ASXL1: variants seen among roughly 807,000 people sequenced by gnomAD.
ASXL1 encodes polycomb group protein ASXL1.
ASXL1 carries 65 observed loss-of-function variants against 89.1 expected under a neutral mutation model. That is an observed-to-expected ratio of 0.73 (90% CI 0.60 to 0.90). The LOEUF (loss-of-function observed/expected upper bound fraction) is 0.90. Ranked by LOEUF, ASXL1 falls within the 40% of genes least tolerant of loss-of-function variation. The pLI, the probability that ASXL1 is intolerant of heterozygous loss-of-function variation, is 0.00. For missense variants in ASXL1, 1,786 were observed against 1,942.9 expected (o/e 0.92, Z 1.52); for synonymous variants, 739 against 746.9 (o/e 0.99, Z 0.17).
At chr20:32,408,054 C>T (rs2048984537) in intron 4 of ASXL1, among the ~76,000 whole-genome samples, 2 of 152,122 alleles carry the variant, frequency 1.3e-5, no homozygotes, top group African/African-American at 4.8e-5. Flanking sequence ...TCTCCTACCT[C>T]AGCCTCCTGA....
At chr20:32,374,699 C>T (rs1026879484) in intron 4 of ASXL1, among the ~76,000 whole-genome samples, 2 of 152,058 alleles carry the variant, frequency 1.3e-5, no homozygotes, top group Non-Finnish European at 2.9e-5. Flanking sequence ...CCACACTTCT[C>T]CCAGAAGTTG....
intron 4 of ASXL1, among the ~76,000 whole-genome samples, chr20:32,422,133 C>A (rs370273067): frequency 3.3e-5 from 5 of 149,504 alleles, no homozygotes; most frequent in African/African-American, 1.2e-4. Context: ...CCTGCCTTGG[C>A]CTTCCAAAGT....
At chr20:32,359,178 T>A in intron 1 of ASXL1, 1 of 688,100 alleles carries the variant, frequency 1.5e-6, no homozygotes, top group Non-Finnish European at 2.6e-6. Flanking sequence ...GCAGCTTCGT[T>A]CATTCACCCG....
chr20:32,426,562 T>C lies in ASXL1; in HGVS notation c.253-1566T>C, dbSNP rs1023731387. Among the ~76,000 whole-genome samples the C allele has an allele frequency of 1.5e-4, 17 of 112,666 alleles. No individual in the cohort carries two copies. The South Asian group carries it at 1.5e-3, about 10-fold the overall frequency. 73.9% of individuals were successfully genotyped at this position (112,666 alleles called of 152,430 possible). ...TTTTCTTTTTTTTCTTTCTTTTTTTTTTTTTTTTTTTTTTTTGAGATGGAG... is the reference window on the plus strand; with the variant it reads ...TTTTCTTTTTTTTCTTTCTTTTTTTCTTTTTTTTTTTTTTTTGAGATGGAG... On this transcript the variant is annotated intron_variant, in intron 4 of 12. Coordinates refer to ENST00000375687, the MANE Select transcript of ASXL1 (RefSeq NM_015338.6).
intron 1 of ASXL1, among the ~76,000 whole-genome samples, chr20:32,363,870 T>C (rs574654105): frequency 6.6e-6 from 1 of 152,304 alleles, no homozygotes; most frequent in East Asian, 1.9e-4. Flanking sequence ...CTACAAATTA[T>C]TGGAACATAA....
chr20:32,372,188 T>C (rs1463238189), intron 4 of ASXL1: 3 of 1,342,804 alleles, frequency 2.2e-6, no homozygotes, highest in Non-Finnish European at 3.0e-6. Flanking sequence ...ACCAGGCCCC[T>C]TCATCTTAAT....
intron 4 of ASXL1, among the ~76,000 whole-genome samples, chr20:32,378,690 G>A (rs1028821225): frequency 6.6e-6 from 1 of 152,056 alleles, no homozygotes; most frequent in African/African-American, 2.4e-5. Flanking sequence ...CCCTTGTAGT[G>A]TTGTACATTC....
intron 1 of ASXL1, among the ~76,000 whole-genome samples, chr20:32,362,358 T>C (rs112348931): frequency 6.6e-6 from 1 of 152,324 alleles, no homozygotes; most frequent in African/African-American, 2.4e-5. Context: ...TTTTGTAGGC[T>C]GTGCGCGGTG....
chr20:32,399,646 T>G (rs2048834813), intron 4 of ASXL1, among the ~76,000 whole-genome samples: 1 of 151,882 alleles, frequency 6.6e-6, no homozygotes, highest in African/African-American at 2.4e-5. Flanking sequence ...GTGTTTTATT[T>G]GAAAGATTCT....
chr20:32,420,786 A>G (rs1476086910), intron 4 of ASXL1, among the ~76,000 whole-genome samples: 2 of 152,192 alleles, frequency 1.3e-5, no homozygotes, highest in East Asian at 1.9e-4. Context: ...TACAGTTTTT[A>G]AAAGACAACT....
Position 32,429,393 on chromosome 20 carries a change from C to T in ASXL1, c.527C>T (p.Pro176Leu). The T allele has an allele frequency of 6.2e-7, 1 of 1,614,192 alleles. No homozygotes were observed. Among genetic ancestry groups the T allele is most frequent in the Non-Finnish European group, 8.5e-7 (1 of 1,180,038 alleles). Reference sequence around the variant, plus strand: ...ATGCTGCCTCGAGTTGTCCTGACTCCTCTGAAGGTAAACGGGGCCCACGTG... The same window carrying T: ...ATGCTGCCTCGAGTTGTCCTGACTCTTCTGAAGGTAAACGGGGCCCACGTG... ...GVMLPRVVLT[P>L]LKVNGAHVES... The change falls in exon 7 of 13, where the codon CCT becomes CTT. Residue 176 changes from proline to leucine, a missense_variant. By Grantham distance (98) the Pro-to-Leu change is moderately conservative. Around this residue, in one of 3 missense-constraint regions of ASXL1, gnomAD observed 332 missense variants for 449.7 expected, o/e 0.74. Coordinates refer to ENST00000375687, the MANE Select transcript of ASXL1 (RefSeq NM_015338.6). The surrounding 1 kb of genome is among the most constrained non-coding windows in gnomAD (Gnocchi z 4.9).
At chr20:32,361,130 C>T (rs895974958) in intron 1 of ASXL1, among the ~76,000 whole-genome samples, 1 of 152,144 alleles carries the variant, frequency 6.6e-6, no homozygotes, top group South Asian at 2.1e-4. Context: ...GGAATAATCA[C>T]TTGAGGCTAG....
intron 4 of ASXL1, among the ~76,000 whole-genome samples, chr20:32,412,742 G>A (rs1247211362): frequency 6.8e-6 from 1 of 147,900 alleles, no homozygotes; most frequent in East Asian, 2.0e-4. Flanking sequence ...TTTTTTTGCA[G>A]ACATGGGGGT....
chr20:32,409,035 G>A lies in ASXL1; in HGVS notation c.253-19093G>A, dbSNP rs183817479. Among the ~76,000 whole-genome samples, 31 of 151,900 alleles carry A rather than the reference G, an allele frequency of 2.0e-4. 1 individual carries two copies. Among genetic ancestry groups the A allele is most frequent in the Admixed American group, 1.5e-3 (23 of 15,246 alleles). ...GTTGCCCAGGCTGGAGTGCAGTGGC[G>A]GAATCTTGGCTCACTGCAACCTTTG... is the stretch of plus-strand genomic sequence containing the variant. On this transcript the variant is annotated intron_variant, in intron 4 of 12. Transcript: ENST00000375687.
At position 32,370,532 on chromosome 20, in the gene ASXL1, G is replaced by C. The variant is rs368057009; in HGVS notation, c.252+1409G>C. Among the ~76,000 whole-genome samples, 3 of 152,126 alleles carry C rather than the reference G, an allele frequency of 2.0e-5. No individual in the cohort carries two copies. The South Asian group carries it at 6.2e-4, about 31-fold the overall frequency. On this transcript the variant is annotated intron_variant, in intron 4 of 12. Transcript: ENST00000375687. ...TGATTTAGACATAAGATGACTTGTC[G>C]ACATTGGAGAAACTGAAAATTTGAT...
At chr20:32,377,779 C>A (rs532792207) in intron 4 of ASXL1, among the ~76,000 whole-genome samples, 3 of 150,956 alleles carry the variant, frequency 2.0e-5, no homozygotes, top group South Asian at 4.3e-4. Flanking sequence ...CAGCCTCCTG[C>A]GTAGCTGGGA....
chr20:32,417,412 AGT>A (rs1427228472), intron 4 of ASXL1, among the ~76,000 whole-genome samples: 1 of 152,122 alleles, frequency 6.6e-6, no homozygotes, highest in Non-Finnish European at 1.5e-5. Context: ...ATATTCCAAG[AGT>A]GTGTTCATTT....
chr20:32,377,763 T>TTG, intron 4 of ASXL1, among the ~76,000 whole-genome samples: 2 of 148,564 alleles, frequency 1.3e-5, no homozygotes, highest in South Asian at 4.3e-4. Context: ...AGCGATTCTC[T>TTG]TACCTCAGCC....
At chr20:32,387,578 T>C (rs2048601120) in intron 4 of ASXL1, among the ~76,000 whole-genome samples, 1 of 152,230 alleles carries the variant, frequency 6.6e-6, no homozygotes, top group Non-Finnish European at 1.5e-5. Flanking sequence ...ATAATCCCCA[T>C]GTTTTCCACT....
Sources: allele counts gnomAD v4.1 joint callset (sites outside exome capture counted in the v4.1 genomes callset), GRCh38; gene constraint gnomAD v4.1.1; regional missense constraint gnomAD v4.1.1; non-coding constraint Gnocchi (gnomAD v3.1); transcripts MANE v1.5; gene names NCBI Gene and HGNC (gene_info 2026-07-23, HGNC 2026-07-21).